The following RAB3IL1 variants were observed in gnomAD, a reference collection of about 807,000 sequenced individuals.
RAB3IL1 encodes the protein guanine nucleotide exchange factor for Rab-3A.
In RAB3IL1, 37 loss-of-function variants were observed where a neutral mutation model predicts 49.2. The observed-to-expected ratio is 0.75, with a 90% confidence interval of 0.58 to 0.99. The LOEUF (loss-of-function observed/expected upper bound fraction) is 0.99, where lower values mean the gene tolerates loss of function less well. Among genes scored for constraint, RAB3IL1 ranks in the 50% least tolerant of loss-of-function variants. The pLI, the probability that RAB3IL1 is intolerant of heterozygous loss-of-function variation, is 0.00. For synonymous variants in RAB3IL1, 193 were observed against 213.9 expected, an observed-to-expected ratio of 0.90 and a Z score of 0.85; for missense variants, 484 against 513.0, an observed-to-expected ratio of 0.94 and a Z score of 0.55.
the RAB3IL1 span, among the ~76,000 whole-genome samples, chr11:61,936,188 AT>A: frequency 6.6e-6 from 1 of 152,230 alleles, no homozygotes; most frequent in African/African-American, 2.4e-5. Flanking sequence ...CAACATATGC[AT>A]AATGAAAGTC....
At chr11:61,923,428 C>T (rs900853630), upstream of RAB3IL1, among the ~76,000 whole-genome samples, 12 of 152,276 alleles carry the variant, frequency 7.9e-5, no homozygotes, top group South Asian at 1.0e-3. Flanking sequence ...AGCTCAGTCA[C>T]GAGGGGAGGC....
Position 61,898,256 on chromosome 11 carries a change from C to A in RAB3IL1, c.*22G>T. The A allele has an allele frequency of 6.2e-7, 1 of 1,608,378 alleles. No homozygotes were observed. Among genetic ancestry groups the A allele is most frequent in the Non-Finnish European group, 8.5e-7 (1 of 1,177,754 alleles). ...GGGTGTTTGCTCTGTCTCAGAGCTC[C>A]CCTTCAGGCCTGGGCCGCGCCCTAA... On this transcript the variant is annotated 3_prime_UTR_variant, in exon 10 of 10. Transcript: ENST00000394836. This position sits in a 1 kb window ranked among gnomAD's most constrained non-coding sequence, Gnocchi z 5.1.
At chr11:61,944,220 CTCCTTCCTTCCTTCCTTCCT>C in the RAB3IL1 span, among the ~76,000 whole-genome samples, 3 of 36,996 alleles carry the variant, frequency 8.1e-5, no homozygotes, top group Admixed American at 7.0e-4. Context: ...CCTTCCTTCC[CTCCTTCCTTCCTTCCTTCCT>C]TCCTTCCTTC....
chr11:61,941,313 A>G, the RAB3IL1 span, among the ~76,000 whole-genome samples: 3 of 152,332 alleles, frequency 2.0e-5, no homozygotes, highest in South Asian at 2.1e-4. Flanking sequence ...AAAACTTCCA[A>G]TAGAGAAACG....
chr11:61,905,107 G>T (rs1245846842), intron 5 of RAB3IL1, among the ~76,000 whole-genome samples: 1 of 152,242 alleles, frequency 6.6e-6, no homozygotes, highest in Non-Finnish European at 1.5e-5. Flanking sequence ...TTCCAGGCCG[G>T]TGTTAAATTT....
chr11:61,939,421 A>C, the RAB3IL1 span, among the ~76,000 whole-genome samples: 7 of 152,300 alleles, frequency 4.6e-5, no homozygotes, highest in East Asian at 1.3e-3. Context: ...ATCAAAGAGA[A>C]GAAAGATCTC....
intron 8 of RAB3IL1, among the ~76,000 whole-genome samples, chr11:61,900,436 G>A (rs1055503656): frequency 2.6e-5 from 4 of 152,238 alleles, no homozygotes; most frequent in African/African-American, 7.2e-5. Flanking sequence ...AAGCTTCGGG[G>A]AGGGGCGGGA....
chr11:61,921,199 G>A (rs1939897750), upstream of RAB3IL1, among the ~76,000 whole-genome samples: 1 of 151,752 alleles, frequency 6.6e-6, no homozygotes, highest in South Asian at 2.1e-4. Flanking sequence ...GGAGAGATGG[G>A]GTCTCACTAC....
chr11:61,902,151 C>T (rs1938948655), intron 8 of RAB3IL1, among the ~76,000 whole-genome samples: 2 of 151,940 alleles, frequency 1.3e-5, no homozygotes, highest in Admixed American at 1.3e-4. Context: ...CCCATCTCTA[C>T]TAAAAATACA....
At chr11:61,933,647 G>A in the RAB3IL1 span, among the ~76,000 whole-genome samples, 9 of 152,128 alleles carry the variant, frequency 5.9e-5, no homozygotes, top group African/African-American at 2.2e-4. Flanking sequence ...TTGGAATTGG[G>A]TAATGAGTAG....
the RAB3IL1 span, among the ~76,000 whole-genome samples, chr11:61,938,610 TAGAAAC>T: frequency 6.6e-6 from 1 of 152,072 alleles, no homozygotes; most frequent in Non-Finnish European, 1.5e-5. Context: ...GAATTCAAAG[TAGAAAC>T]AGGCCAGCAA....
In RAB3IL1 at chr11:61,899,277, T is replaced by C. The variant is rs1018816296; in HGVS notation, c.1066+37A>G. ...ACTTCCCCATCCAGCCCCACTCCCG[T>C]GTGCGATCCCTGCACCGGCCACCAG... On this transcript the variant is annotated intron_variant, in intron 9 of 9. Coordinates refer to ENST00000394836, the MANE Select transcript of RAB3IL1 (RefSeq NM_013401.4). 1.9e-6 allele frequency: 3 copies of C among 1,588,290 alleles called. No individual in the cohort carries two copies. The African/African-American group carries it at 4.0e-5, about 21-fold the overall frequency.
intron 7 of RAB3IL1, among the ~76,000 whole-genome samples, chr11:61,904,016 C>G (rs939089583): frequency 6.6e-6 from 1 of 151,834 alleles, no homozygotes; most frequent in Non-Finnish European, 1.5e-5. Context: ...GTTCCCTCTG[C>G]CTGAAATGCC....
At chr11:61,917,292 C>A in intron 1 of RAB3IL1, 65 bp downstream of exon 1, 1 of 1,353,624 alleles carries the variant, frequency 7.4e-7, no homozygotes, top group Non-Finnish European at 9.5e-7. Context: ...CCCCGAAATC[C>A]TCCCGTCCCG....
rs375308375 is a variant in RAB3IL1, at chr11:61,898,578, G to T, written c.1067-218C>A. 1.1e-4 allele frequency among the ~76,000 whole-genome samples: 17 copies of T among 152,348 alleles called. No homozygotes were observed. The South Asian group carries it at 3.3e-3, about 30-fold the overall frequency. On this transcript the variant is annotated intron_variant, in intron 9 of 9. Coordinates refer to ENST00000394836, the MANE Select transcript of RAB3IL1 (RefSeq NM_013401.4). The surrounding 1 kb of genome is among the most constrained non-coding windows in gnomAD (Gnocchi z 5.1). ...AGTGCCGACCACACCCGAGGGATCT[G>T]TTTGCACTACACTGACGGCCACCCC...
upstream of RAB3IL1, among the ~76,000 whole-genome samples, chr11:61,919,604 G>T (rs1031735296): frequency 6.6e-6 from 1 of 152,152 alleles, no homozygotes; most frequent in African/African-American, 2.4e-5. Context: ...GTGCAGCCAG[G>T]CAGCAAGAGG....
At chr11:61,912,034 C>A (rs1178523457) in intron 1 of RAB3IL1, among the ~76,000 whole-genome samples, 1 of 152,230 alleles carries the variant, frequency 6.6e-6, no homozygotes, top group Admixed American at 6.5e-5. Flanking sequence ...ATTCCTCAAC[C>A]AGTGCCCAAG....
intron 1 of RAB3IL1, 129 bp from the exon 2 acceptor site, chr11:61,908,435 C>T: frequency 9.4e-7 from 1 of 1,069,058 alleles, no homozygotes; most frequent in Non-Finnish European, 1.2e-6. Flanking sequence ...AAAACTGGGA[C>T]CCTACCAGCT....
At chr11:61,910,665 T>TGGGTCCC (rs199919758) in intron 1 of RAB3IL1, among the ~76,000 whole-genome samples, 4,624 of 152,318 alleles carry the variant, frequency 0.03, 110 homozygotes, top group Non-Finnish European at 0.045. Flanking sequence ...GCCTGGGCTC[T>TGGGTCCC]GGGTCCCACA....
Sources: gnomAD v4.1 joint callset for allele counts (sites outside exome capture counted in the v4.1 genomes callset) on GRCh38, gnomAD v4.1.1 for gene constraint, Gnocchi (gnomAD v3.1) non-coding constraint, MANE v1.5 for transcripts, NCBI Gene and HGNC (gene_info 2026-07-23, HGNC 2026-07-21) for gene names.